The following KCNH7 variants were observed in gnomAD, a reference collection of about 807,000 sequenced individuals.
The protein encoded by KCNH7 is voltage-gated inwardly rectifying potassium channel KCNH7.
A neutral mutation model predicts 120.8 loss-of-function variants in KCNH7; 49 were observed. The ratio of observed to expected loss-of-function variants is 0.41; its 90% confidence interval spans 0.32 to 0.51. The LOEUF is 0.51. Ranked by LOEUF, KCNH7 falls within the 20% of genes least tolerant of loss-of-function variation. The pLI, the probability that KCNH7 is intolerant of heterozygous loss-of-function variation, is 0.38. For missense variants in KCNH7, 1,097 were observed against 1,446.6 expected (o/e 0.76, Z 3.92); for synonymous variants, 547 against 516.1 (o/e 1.06, Z -0.81).
intron 8 of KCNH7, among the ~76,000 whole-genome samples, chr2:162,429,294 T>C (rs1352643867): frequency 6.6e-6 from 1 of 151,458 alleles, no homozygotes; most frequent in African/African-American, 2.4e-5. Context: ...TCCTTCTACA[T>C]ATGTTATAAA....
At chr2:162,764,416 A>G (rs1689075784) in intron 2 of KCNH7, among the ~76,000 whole-genome samples, 1 of 152,180 alleles carries the variant, frequency 6.6e-6, no homozygotes, top group South Asian at 2.1e-4. Flanking sequence ...TATTTTATAG[A>G]CAGTATAATT....
intron 2 of KCNH7, among the ~76,000 whole-genome samples, chr2:162,541,030 T>C (rs774722562): frequency 2.0e-5 from 3 of 152,058 alleles, no homozygotes; most frequent in Non-Finnish European, 4.4e-5. Context: ...TGACAACAAA[T>C]TTGGTAGCAG....
chr2:162,504,682 A>C, intron 5 of KCNH7, 25 bp from the exon 6 acceptor site: 1 of 1,416,106 alleles, frequency 7.1e-7, no homozygotes, highest in South Asian at 1.2e-5. Context: ...AGTATTTGTA[A>C]GAGTAATATA....
intron 6 of KCNH7, among the ~76,000 whole-genome samples, chr2:162,503,747 C>A (rs2105751215): frequency 6.6e-6 from 1 of 152,140 alleles, no homozygotes; most frequent in South Asian, 2.1e-4. Context: ...AAAAGAACCG[C>A]TTGCTTGACA....
At chr2:162,620,083 A>G (rs1005906506) in intron 2 of KCNH7, among the ~76,000 whole-genome samples, 1 of 151,356 alleles carries the variant, frequency 6.6e-6, no homozygotes, top group African/African-American at 2.4e-5. Context: ...ATGTGTATAT[A>G]TATTCTCTCT....
intron 6 of KCNH7, among the ~76,000 whole-genome samples, chr2:162,471,826 G>A (rs1689545312): frequency 6.6e-6 from 1 of 152,164 alleles, no homozygotes; most frequent in South Asian, 2.1e-4. Context: ...CATGCTACCT[G>A]ACTTCAAACT....
intron 12 of KCNH7, among the ~76,000 whole-genome samples, chr2:162,386,423 A>G (rs1307119399): frequency 6.6e-6 from 1 of 151,894 alleles, no homozygotes; most frequent in Admixed American, 6.6e-5. Context: ...CTCAAAACAT[A>G]ATAGTTATAA....
intron 2 of KCNH7, among the ~76,000 whole-genome samples, chr2:162,703,015 C>T (rs911032534): frequency 1.3e-5 from 2 of 152,064 alleles, no homozygotes; most frequent in Non-Finnish European, 2.9e-5. Context: ...AAAGAGCCTG[C>T]AGTAGTTCAG....
intron 6 of KCNH7, among the ~76,000 whole-genome samples, chr2:162,481,660 C>G (rs1349048746): frequency 6.6e-6 from 1 of 152,076 alleles, no homozygotes. Flanking sequence ...TTTGGCTTGC[C>G]TGGAACTTAG....
At chr2:162,667,212 G>C (rs545977163) in intron 2 of KCNH7, among the ~76,000 whole-genome samples, 27 of 151,558 alleles carry the variant, frequency 1.8e-4, no homozygotes, top group Non-Finnish European at 3.8e-4. Context: ...ATAGAGATAG[G>C]GTCTCACTAC....
chr2:162,586,370 C>A (rs1324104367), intron 2 of KCNH7, among the ~76,000 whole-genome samples: 1 of 152,026 alleles, frequency 6.6e-6, no homozygotes, highest in African/African-American at 2.4e-5. Flanking sequence ...GGACAATGAA[C>A]CACGTGGGGA....
At chr2:162,473,363 C>G (rs1689630160) in intron 6 of KCNH7, among the ~76,000 whole-genome samples, 1 of 152,046 alleles carries the variant, frequency 6.6e-6, no homozygotes, top group African/African-American at 2.4e-5. Flanking sequence ...GCCCAAATAA[C>G]AGAAAGTCAG....
chr2:162,769,256 G>T (rs1368139288), intron 2 of KCNH7, among the ~76,000 whole-genome samples: 2 of 82,154 alleles, frequency 2.4e-5, no homozygotes, highest in Non-Finnish European at 4.5e-5. Flanking sequence ...ATTTCTACCT[G>T]ATATGCACAC....
intron 3 of KCNH7, among the ~76,000 whole-genome samples, chr2:162,526,685 T>G (rs999046232): frequency 6.6e-6 from 1 of 152,038 alleles, no homozygotes; most frequent in African/African-American, 2.4e-5. Context: ...ATTGTTGTTA[T>G]CCTGTTCTTT....
intron 11 of KCNH7, among the ~76,000 whole-genome samples, chr2:162,394,721 T>C (rs1418374719): frequency 6.6e-6 from 1 of 151,944 alleles, no homozygotes; most frequent in African/African-American, 2.4e-5. Flanking sequence ...GTGTAGGAGT[T>C]ATTTATGTGA....
chr2:162,555,554 T>A (rs1462277360), intron 2 of KCNH7, among the ~76,000 whole-genome samples: 1 of 152,218 alleles, frequency 6.6e-6, no homozygotes, highest in Non-Finnish European at 1.5e-5. Flanking sequence ...AATTTAGTAT[T>A]TACTTTTTAA....
intron 5 of KCNH7, among the ~76,000 whole-genome samples, chr2:162,505,652 A>C (rs538590578): frequency 6.6e-6 from 1 of 151,922 alleles, no homozygotes; most frequent in Non-Finnish European, 1.5e-5. Context: ...TATTACGTAC[A>C]CTGTTATTTA....
intron 2 of KCNH7, among the ~76,000 whole-genome samples, chr2:162,753,997 A>C (rs1420751361): frequency 6.6e-6 from 1 of 152,006 alleles, no homozygotes; most frequent in Non-Finnish European, 1.5e-5. Flanking sequence ...AATGTATATG[A>C]ATTATGAATA....
At chr2:162,633,857 C>A (rs899625094) in intron 2 of KCNH7, among the ~76,000 whole-genome samples, 15 of 151,950 alleles carry the variant, frequency 9.9e-5, no homozygotes, top group Admixed American at 3.9e-4. Flanking sequence ...TCTCCACAGG[C>A]CATTCAAAAT....
Sources: gnomAD v4.1 joint callset for allele counts (sites outside exome capture counted in the v4.1 genomes callset) on GRCh38, gnomAD v4.1.1 for gene constraint, MANE v1.5 for transcripts, NCBI Gene and HGNC (gene_info 2026-07-23, HGNC 2026-07-21) for gene names.